Variants in MYBPC2 observed in about 807,000 individuals in gnomAD.
MYBPC2 encodes the protein myosin-binding protein C, fast-type.
In MYBPC2, 122 loss-of-function variants were observed where a neutral mutation model predicts 137.0. The ratio of observed to expected loss-of-function variants is 0.89; its 90% CI spans 0.77 to 1.03. The LOEUF (loss-of-function observed/expected upper bound fraction) is 1.03. MYBPC2 is among the 50% of genes least tolerant of loss of function. MYBPC2 has a pLI of 0.00. For synonymous variants in MYBPC2, 626 were observed against 612.3 expected (o/e 1.02, Z -0.33); for missense variants, 1,500 against 1,534.4 (o/e 0.98, Z 0.37).
chr19:50,453,229 C>T (rs559689425), intron 16 of MYBPC2, among the ~76,000 whole-genome samples: 4 of 152,226 alleles, frequency 2.6e-5, no homozygotes, highest in African/African-American at 7.2e-5. Flanking sequence ...GCTGGGATTA[C>T]GGGCATGAGC....
chr19:50,450,602 A>G (rs999594565), intron 13 of MYBPC2, among the ~76,000 whole-genome samples: 1 of 152,150 alleles, frequency 6.6e-6, no homozygotes, highest in African/African-American at 2.4e-5. Context: ...GTAGATGGAT[A>G]TCATTACCCC....
intron 26 of MYBPC2, among the ~76,000 whole-genome samples, chr19:50,462,712 G>A (rs1376023244): frequency 6.6e-6 from 1 of 152,022 alleles, no homozygotes; most frequent in Non-Finnish European, 1.5e-5. Flanking sequence ...GAGTAGCTAG[G>A]ATTACAGGCG....
At chr19:50,434,658 A>G (rs1436683721) in intron 1 of MYBPC2, among the ~76,000 whole-genome samples, 1 of 152,208 alleles carries the variant, frequency 6.6e-6, no homozygotes, top group Non-Finnish European at 1.5e-5. Flanking sequence ...CGCAGGAATC[A>G]TGCACCGCTG....
intron 18 of MYBPC2, among the ~76,000 whole-genome samples, 153 bp downstream of exon 18, chr19:50,454,522 T>C (rs1601293250): frequency 6.9e-6 from 1 of 145,854 alleles, no homozygotes; most frequent in East Asian, 2.1e-4. Context: ...GCCTCCTGGG[T>C]ACAAGCAATT....
chr19:50,465,310 C>A lies in MYBPC2; in HGVS notation c.3415+778C>A, dbSNP rs578026576. Among the ~76,000 whole-genome samples, 96 of 152,342 alleles carry A rather than the reference C, an allele frequency of 6.3e-4. No individual in the cohort carries two copies. Among genetic ancestry groups the A allele is most frequent in the African/African-American group, 2.1e-3 (89 of 41,584 alleles). On this transcript the variant is annotated intron_variant, in intron 27 of 27. Transcript: ENST00000357701. The surrounding 1 kb of genome is among the most constrained non-coding windows in gnomAD (Gnocchi z 4.5). Reference sequence around the variant, plus strand: ...TCCTGCCACAGGGACTTGGCACATGCTCTTCCCTCTTCCTGGAACACAATT... The same window carrying A: ...TCCTGCCACAGGGACTTGGCACATGATCTTCCCTCTTCCTGGAACACAATT...
chr19:50,457,662 C>G (rs2039925760), intron 20 of MYBPC2, among the ~76,000 whole-genome samples: 1 of 150,892 alleles, frequency 6.6e-6, no homozygotes, highest in Admixed American at 6.6e-5. Flanking sequence ...CAGGCATGAG[C>G]CATGGTACCT....
At position 50,440,935 on chromosome 19, in the gene MYBPC2, A is replaced by C; in HGVS notation, c.628A>C (p.Ile210Leu). The change falls in exon 8 of 28, where the codon ATC becomes CTC. Residue 210 changes from isoleucine (I) to leucine (L), a missense_variant. By Grantham distance (5) the Ile-to-Leu change is conservative. Transcript: ENST00000357701. ...KKKKDDDDLG[I>L]PPEIWELLKG... ...AAAGAAAGATGACGATGACCTAGGC[A>C]TCCCCCCGGAGATTTGGGAGCTCCT... is the stretch of plus-strand genomic sequence containing the variant. 1 of 1,613,874 alleles carries C rather than the reference A, an allele frequency of 6.2e-7. No individual in the cohort carries two copies. Among genetic ancestry groups the C allele is most frequent in the African/African-American group, 1.3e-5 (1 of 75,034 alleles).
At position 50,437,677 on chromosome 19, in the gene MYBPC2, T is replaced by C; in HGVS notation, c.531T>C (p.Asp177=). The change falls in exon 7 of 28, where the codon GAT becomes GAC. Residue 177 remains aspartate, a synonymous_variant. Transcript: ENST00000357701. ...GCCACAGGAGTGAAAAGAAGTCGGA[T>C]ACTGCAGGTGAGCTGGATTTCAGTG... The part of the protein sequence containing the change: ...SFKRTSEKKS[D]TAGELDFSGL... The C allele has an allele frequency of 2.5e-6, 4 of 1,605,104 alleles. No homozygotes were observed. The highest frequency in any genetic ancestry group is 1.1e-5 in the South Asian group (1 of 89,146).
chr19:50,448,230 C>T lies in MYBPC2; in HGVS notation c.1312C>T (p.Gln438Ter), dbSNP rs749580447. ...GTCTTTCTCTCCCTGACCAGAGAAA[C>T]AGCTGGAGGTCCTGCAGGACATCGC... ...CEAELIVEEK[Q>*]LEVLQDIADL... The change falls in exon 13 of 28, where the codon CAG (glutamine) becomes TAG (stop). Residue 438 changes from glutamine to a stop codon, truncating the protein, a stop_gained. Transcript: ENST00000357701. LOFTEE classifies it high-confidence loss of function. The T allele has an allele frequency of 3.7e-6, 6 of 1,613,226 alleles. No homozygotes were observed. The South Asian group carries it at 4.4e-5, about 12-fold the overall frequency.
At position 50,438,647 on chromosome 19, in the gene MYBPC2, C is replaced by T. The variant is rs925912971; in HGVS notation, c.572+929C>T. Among the ~76,000 whole-genome samples the T allele has an allele frequency of 2.0e-5, 3 of 152,060 alleles. No homozygotes were observed. In the East Asian group the frequency reaches 5.8e-4, roughly 29 times the overall value. ...TTTGGAGACCAGTGTGGGAAGATCA[C>T]ATGAGCCCAGGAGTGTAAGACCAGC... is the stretch of plus-strand genomic sequence containing the variant. On this transcript the variant is annotated intron_variant, in intron 7 of 27. Coordinates refer to ENST00000357701, the MANE Select transcript of MYBPC2 (RefSeq NM_004533.4).
intron 12 of MYBPC2, 35 bp from the exon 13 acceptor site, chr19:50,448,190 T>C: frequency 6.3e-7 from 1 of 1,591,318 alleles, no homozygotes; most frequent in Admixed American, 1.8e-5. Context: ...CTGACTAGAG[T>C]AGTGACGGCT....
At chr19:50,433,478 C>A (rs9789278) in intron 1 of MYBPC2, among the ~76,000 whole-genome samples, 71,048 of 150,460 alleles carry the variant, frequency 0.47, 17,199 homozygotes, top group African/African-American at 0.55. Flanking sequence ...GATCTCGGCT[C>A]ACTACAACAT....
At chr19:50,460,429 G>A (rs975870484) in intron 24 of MYBPC2, among the ~76,000 whole-genome samples, 2 of 152,140 alleles carry the variant, frequency 1.3e-5, no homozygotes, top group African/African-American at 4.8e-5. Flanking sequence ...GCAGCACTTA[G>A]GACATCTGCA....
chr19:50,441,498 C>T (rs2039755144), intron 8 of MYBPC2, among the ~76,000 whole-genome samples: 1 of 152,184 alleles, frequency 6.6e-6, no homozygotes, highest in Non-Finnish European at 1.5e-5. Context: ...CTGGGGTAGC[C>T]CTGTTCCGCA....
At chr19:50,459,922 G>A in intron 23 of MYBPC2, 118 bp from the exon 24 acceptor site, 1 of 1,432,116 alleles carries the variant, frequency 7.0e-7, no homozygotes, top group Admixed American at 2.0e-5. Flanking sequence ...AGGCAGGAAT[G>A]GGAATGGGGC....
rs2039856241 is a variant in MYBPC2, at chr19:50,451,381, C to A, written c.1609+72C>A. ...CCGGGCTGAGGGAGGAGGGGAATGG[C>A]CGAGGGAGGATAGGCAGGGCGAGGA... On this transcript the variant is annotated intron_variant, in intron 15 of 27. Coordinates refer to ENST00000357701, the MANE Select transcript of MYBPC2 (RefSeq NM_004533.4). 3 of 1,488,664 alleles carry A rather than the reference C, an allele frequency of 2.0e-6. No individual in the cohort carries two copies. In the South Asian group the frequency reaches 3.4e-5, roughly 17 times the overall value. The allele number at this position is 1,488,664 out of a possible 1,614,324, so 92.2% of individuals were successfully genotyped here.
At chr19:50,451,829 C>T (rs769311887) in intron 15 of MYBPC2, 35 bp from the exon 16 acceptor site, 2 of 1,574,818 alleles carry the variant, frequency 1.3e-6, no homozygotes, top group Non-Finnish European at 1.7e-6. Flanking sequence ...CAGCCTCCCA[C>T]TCCCAGGGTC....
intron 12 of MYBPC2, among the ~76,000 whole-genome samples, chr19:50,447,203 T>C (rs952276169): frequency 6.6e-6 from 1 of 151,960 alleles, no homozygotes; most frequent in African/African-American, 2.4e-5. Context: ...AGGTCTGTGG[T>C]CTGAGTAACA....
At chr19:50,440,645 A>G (rs1270216380) in intron 7 of MYBPC2, among the ~76,000 whole-genome samples, 1 of 144,920 alleles carries the variant, frequency 6.9e-6, no homozygotes, top group Non-Finnish European at 1.5e-5. Flanking sequence ...CCTGGGAGAC[A>G]GAGTGAGAAT....
Sources: gnomAD v4.1 joint callset for allele counts (sites outside exome capture counted in the v4.1 genomes callset) on GRCh38, gnomAD v4.1.1 for gene constraint, Gnocchi (gnomAD v3.1) non-coding constraint, MANE v1.5 for transcripts, NCBI Gene and HGNC (gene_info 2026-07-23, HGNC 2026-07-21) for gene names.